ANKS1B: variants seen among roughly 807,000 people sequenced by gnomAD.
ANKS1B encodes the protein ankyrin repeat and sterile alpha motif domain containing 1B, also known as ankyrin repeat and sterile alpha motif domain-containing protein 1B.
In ANKS1B, 36 loss-of-function variants were observed where a neutral mutation model predicts 148.3. The ratio of observed to expected loss-of-function variants is 0.24; its 90% CI spans 0.19 to 0.32. The LOEUF is 0.32. ANKS1B is among the 10% of genes least tolerant of loss of function. The pLI is 1.00. For missense variants in ANKS1B, 1,157 were observed against 1,542.6 expected, an observed-to-expected ratio of 0.75 and a Z score of 4.19; for synonymous variants, 542 against 560.8, an observed-to-expected ratio of 0.97 and a Z score of 0.47.
intron 9 of ANKS1B, among the ~76,000 whole-genome samples, chr12:99,653,417 T>C (rs755258577): frequency 2.0e-5 from 3 of 152,166 alleles, no homozygotes; most frequent in Non-Finnish European, 4.4e-5. Context: ...CATTTAATTA[T>C]TGATAAACTG....
chr12:99,799,806 A>T (rs184029623), intron 4 of ANKS1B, among the ~76,000 whole-genome samples: 85 of 152,284 alleles, frequency 5.6e-4, no homozygotes, highest in Admixed American at 3.8e-3. Context: ...CAAGAACAAC[A>T]AGGTCACTGT....
intron 17 of ANKS1B, among the ~76,000 whole-genome samples, chr12:98,863,462 C>G (rs1426911177): frequency 1.3e-5 from 2 of 152,120 alleles, no homozygotes; most frequent in Non-Finnish European, 2.9e-5. Context: ...GTGCTGTGTG[C>G]CTGGTTAGGT....
chr12:99,553,765 G>C (rs184801088), intron 9 of ANKS1B, among the ~76,000 whole-genome samples: 1 of 152,002 alleles, frequency 6.6e-6, no homozygotes, highest in Non-Finnish European at 1.5e-5. Context: ...TTTTATTTGC[G>C]GGATCATCTC....
At chr12:99,099,869 G>A (rs915851295) in intron 15 of ANKS1B, 7 of 151,928 alleles carry the variant, frequency 4.6e-5, no homozygotes, top group African/African-American at 1.2e-4. Context: ...AGGTTTGTAC[G>A]TATTTTTAAT....
intron 9 of ANKS1B, among the ~76,000 whole-genome samples, chr12:99,519,474 C>T (rs1283809952): frequency 6.6e-6 from 1 of 152,046 alleles, no homozygotes; most frequent in Non-Finnish European, 1.5e-5. Flanking sequence ...TATATAACGA[C>T]CTTCTTTGTC....
At chr12:99,516,283 G>C (rs2096820289) in intron 9 of ANKS1B, among the ~76,000 whole-genome samples, 1 of 152,032 alleles carries the variant, frequency 6.6e-6, no homozygotes. Context: ...TTCATAGTTT[G>C]ACATCTTGGA....
intron 8 of ANKS1B, among the ~76,000 whole-genome samples, chr12:99,708,769 C>T (rs1408751490): frequency 1.3e-5 from 2 of 152,172 alleles, no homozygotes; most frequent in East Asian, 1.9e-4. Flanking sequence ...TCTCAAAATC[C>T]TAATTCACAT....
At chr12:98,967,954 T>C (rs907174859) in intron 17 of ANKS1B, among the ~76,000 whole-genome samples, 1 of 152,016 alleles carries the variant, frequency 6.6e-6, no homozygotes, top group Non-Finnish European at 1.5e-5. Context: ...ATCATCACAC[T>C]CTATGCCCTA....
intron 17 of ANKS1B, among the ~76,000 whole-genome samples, chr12:99,020,832 G>T (rs933541512): frequency 6.6e-6 from 1 of 152,048 alleles, no homozygotes; most frequent in Non-Finnish European, 1.5e-5. Context: ...GAATTTTGGA[G>T]ATTGGAAAAA....
chr12:99,081,876 C>G (rs1480316236), intron 16 of ANKS1B, among the ~76,000 whole-genome samples: 1 of 152,160 alleles, frequency 6.6e-6, no homozygotes, highest in Non-Finnish European at 1.5e-5. Context: ...TATTCATTCA[C>G]TCAGTCACTC....
At chr12:99,110,218 A>G (rs2060023148) in intron 15 of ANKS1B, among the ~76,000 whole-genome samples, 1 of 152,192 alleles carries the variant, frequency 6.6e-6, no homozygotes, top group Non-Finnish European at 1.5e-5. Flanking sequence ...TGTGAGTTCA[A>G]TGAGTGGATT....
chr12:98,944,792 A>T (rs1007466459), intron 17 of ANKS1B, among the ~76,000 whole-genome samples: 1 of 152,240 alleles, frequency 6.6e-6, no homozygotes, highest in African/African-American at 2.4e-5. Context: ...TCTCCACAGT[A>T]TCAGTTGTGT....
At chr12:98,938,722 C>T (rs1052161342) in intron 17 of ANKS1B, among the ~76,000 whole-genome samples, 4 of 152,196 alleles carry the variant, frequency 2.6e-5, no homozygotes, top group Non-Finnish European at 4.4e-5. Context: ...GCTTAAGACT[C>T]GCCAGCATGG....
intron 11 of ANKS1B, among the ~76,000 whole-genome samples, chr12:99,441,401 C>T (rs906031537): frequency 4.6e-5 from 7 of 151,792 alleles, no homozygotes; most frequent in Admixed American, 3.9e-4. Context: ...TACCTGAATA[C>T]TCTCTCATAA....
chr12:99,036,106 T>C (rs1238711872), intron 17 of ANKS1B, among the ~76,000 whole-genome samples: 1 of 152,148 alleles, frequency 6.6e-6, no homozygotes, highest in African/African-American at 2.4e-5. Flanking sequence ...AGTTTCTCTG[T>C]GTGCACAGTG....
intron 12 of ANKS1B, among the ~76,000 whole-genome samples, chr12:99,271,630 T>C (rs1045047636): frequency 1.8e-4 from 25 of 141,478 alleles, no homozygotes; most frequent in Non-Finnish European, 3.0e-4. Context: ...AGACACATCA[T>C]ATATTTATTC....
chr12:99,511,091 G>A (rs989726883), intron 9 of ANKS1B, among the ~76,000 whole-genome samples: 1 of 151,978 alleles, frequency 6.6e-6, no homozygotes. Context: ...CAGCATCCTT[G>A]TCATGTGCTG....
At chr12:99,208,990 G>A (rs2153907806) in intron 14 of ANKS1B, among the ~76,000 whole-genome samples, 1 of 152,084 alleles carries the variant, frequency 6.6e-6, no homozygotes, top group South Asian at 2.1e-4. Context: ...ATGGTTATTT[G>A]CATAAATTCA....
chr12:99,485,742 T>G (rs930750242), intron 10 of ANKS1B, among the ~76,000 whole-genome samples: 1 of 152,138 alleles, frequency 6.6e-6, no homozygotes, highest in Non-Finnish European at 1.5e-5. Context: ...TTTTCTTTAT[T>G]TTGTCTGACT....
Sources: allele counts gnomAD v4.1 joint callset (sites outside exome capture counted in the v4.1 genomes callset), GRCh38; gene constraint gnomAD v4.1.1; transcripts MANE v1.5; gene names NCBI Gene and HGNC (gene_info 2026-07-23, HGNC 2026-07-21).